Variants in KCNK13 observed in about 807,000 individuals in gnomAD.
KCNK13 encodes the protein potassium two pore domain channel subfamily K member 13.
KCNK13 carries 12 observed loss-of-function variants against 23.4 expected under a neutral mutation model. The observed-to-expected ratio is 0.51, with a 90% confidence interval of 0.33 to 0.83. The LOEUF is 0.83. KCNK13 is among the 40% of genes least tolerant of loss of function. The pLI is 0.02. For synonymous variants in KCNK13, 231 were observed against 229.5 expected, an observed-to-expected ratio of 1.01 and a Z score of -0.06; for missense variants, 463 against 556.3, an observed-to-expected ratio of 0.83 and a Z score of 1.69.
At chr14:90,068,944 C>T (rs937684052) in intron 1 of KCNK13, among the ~76,000 whole-genome samples, 2 of 152,102 alleles carry the variant, frequency 1.3e-5, no homozygotes, top group East Asian at 1.9e-4. Flanking sequence ...GAGAAGATGA[C>T]CCGGCTCATG....
At chr14:90,170,358 T>A (rs1034762597) in intron 1 of KCNK13, among the ~76,000 whole-genome samples, 4 of 152,034 alleles carry the variant, frequency 2.6e-5, no homozygotes, top group African/African-American at 9.7e-5. Flanking sequence ...GGATTACAGG[T>A]GCCCACCACC....
At chr14:90,118,407 C>A (rs1403799338) in intron 1 of KCNK13, among the ~76,000 whole-genome samples, 1 of 152,166 alleles carries the variant, frequency 6.6e-6, no homozygotes, top group Non-Finnish European at 1.5e-5. Context: ...TGTTCTTTTT[C>A]ACAGTGCATA....
intron 1 of KCNK13, among the ~76,000 whole-genome samples, chr14:90,145,147 C>A (rs985543389): frequency 1.3e-4 from 20 of 152,224 alleles, no homozygotes; most frequent in African/African-American, 4.1e-4. Flanking sequence ...GTGGCTCATG[C>A]CTGTAATCCC....
intron 1 of KCNK13, among the ~76,000 whole-genome samples, chr14:90,145,303 G>A (rs1200227905): frequency 6.6e-6 from 1 of 151,960 alleles, no homozygotes; most frequent in East Asian, 1.9e-4. Flanking sequence ...TGAGGTGGGA[G>A]GATCACCTGA....
intron 1 of KCNK13, among the ~76,000 whole-genome samples, chr14:90,116,986 C>T (rs1889684462): frequency 6.6e-6 from 1 of 152,174 alleles, no homozygotes; most frequent in South Asian, 2.1e-4. Context: ...GTTTCCTGCA[C>T]ATACGTATCT....
intron 1 of KCNK13, among the ~76,000 whole-genome samples, chr14:90,091,341 G>A (rs898239639): frequency 2.6e-5 from 4 of 151,978 alleles, no homozygotes; most frequent in Non-Finnish European, 4.4e-5. Context: ...AATGAGAATC[G>A]AACCGGTAAA....
At chr14:90,099,895 A>G (rs1249342419) in intron 1 of KCNK13, among the ~76,000 whole-genome samples, 1 of 152,164 alleles carries the variant, frequency 6.6e-6, no homozygotes, top group East Asian at 1.9e-4. Flanking sequence ...GACTGTCCCA[A>G]ATTTGTGCTT....
intron 1 of KCNK13, among the ~76,000 whole-genome samples, chr14:90,080,345 A>C (rs1889192748): frequency 6.6e-6 from 1 of 152,104 alleles, no homozygotes; most frequent in Admixed American, 6.5e-5. Flanking sequence ...AATCCCAGCT[A>C]CTTGGGAGGC....
At chr14:90,126,098 A>G (rs1390519977) in intron 1 of KCNK13, among the ~76,000 whole-genome samples, 1 of 152,164 alleles carries the variant, frequency 6.6e-6, no homozygotes, top group Admixed American at 6.5e-5. Context: ...GAAAGTTGGA[A>G]AATACTTAAA....
intron 1 of KCNK13, among the ~76,000 whole-genome samples, chr14:90,178,041 C>CTT (rs1890442213): frequency 6.6e-6 from 1 of 152,036 alleles, no homozygotes; most frequent in African/African-American, 2.4e-5. Flanking sequence ...CTTTTTTCCA[C>CTT]TTAACATTTT....
intron 1 of KCNK13, among the ~76,000 whole-genome samples, chr14:90,166,678 T>C (rs1890307114): frequency 6.6e-6 from 1 of 150,394 alleles, no homozygotes; most frequent in Admixed American, 6.6e-5. Context: ...TGCACCCTAG[T>C]CTGGGCGACA....
In KCNK13 at chr14:90,123,609, G is replaced by A. The variant is rs28438424; in HGVS notation, c.335-60502G>A. ...AGAATGAGAAAAGTTGCCAGTCCTC[G>A]TTTGTGAGATATGGCTATTAGTAGT... On this transcript the variant is annotated intron_variant, in intron 1 of 1. Coordinates refer to ENST00000282146, the MANE Select transcript of KCNK13 (RefSeq NM_022054.4). 5.6e-3 allele frequency among the ~76,000 whole-genome samples: 849 copies of A among 152,254 alleles called. 11 individuals carry two copies. Among genetic ancestry groups the A allele is most frequent in the African/African-American group, 0.02 (822 of 41,560 alleles).
At chr14:90,099,233 C>T (rs191473316) in intron 1 of KCNK13, among the ~76,000 whole-genome samples, 189 of 152,206 alleles carry the variant, frequency 1.2e-3, no homozygotes, top group African/African-American at 4.4e-3. Context: ...CTCAGTCAGT[C>T]GAGGTTTCTC....
intron 1 of KCNK13, among the ~76,000 whole-genome samples, chr14:90,063,870 A>G (rs945338786): frequency 1.3e-5 from 2 of 152,208 alleles, no homozygotes; most frequent in Non-Finnish European, 2.9e-5. Flanking sequence ...GAGGACCAGT[A>G]TGATTAGGGA....
chr14:90,175,227 T>G (rs1364339716), intron 1 of KCNK13, among the ~76,000 whole-genome samples: 1 of 152,232 alleles, frequency 6.6e-6, no homozygotes, highest in East Asian at 1.9e-4. Context: ...CCTAGGTACC[T>G]GGAATTTCCC....
intron 1 of KCNK13, among the ~76,000 whole-genome samples, chr14:90,161,062 T>A (rs1320605324): frequency 6.6e-6 from 1 of 152,062 alleles, no homozygotes; most frequent in Non-Finnish European, 1.5e-5. Flanking sequence ...CATGGATGGA[T>A]AAATGGATAA....
At chr14:90,115,724 C>T (rs1423188542) in intron 1 of KCNK13, among the ~76,000 whole-genome samples, 1 of 152,194 alleles carries the variant, frequency 6.6e-6, no homozygotes, top group Non-Finnish European at 1.5e-5. Context: ...AGGCAACAGG[C>T]CGATCTAGGT....
chr14:90,162,041 G>A (rs559829441), intron 1 of KCNK13, among the ~76,000 whole-genome samples: 2 of 152,060 alleles, frequency 1.3e-5, no homozygotes, highest in South Asian at 2.1e-4. Flanking sequence ...TTACCCAGAC[G>A]TGGCAGTGCG....
At chr14:90,132,416 T>G (rs765743110) in intron 1 of KCNK13, among the ~76,000 whole-genome samples, 1 of 151,946 alleles carries the variant, frequency 6.6e-6, no homozygotes, top group Non-Finnish European at 1.5e-5. Context: ...TGGTGACATA[T>G]GCCTGTAATC....
Sources: allele counts gnomAD v4.1 joint callset (sites outside exome capture counted in the v4.1 genomes callset), GRCh38; gene constraint gnomAD v4.1.1; transcripts MANE v1.5; gene names NCBI Gene and HGNC (gene_info 2026-07-23, HGNC 2026-07-21).